PLCB1: variants seen among roughly 807,000 people sequenced by gnomAD.
PLCB1 encodes the protein phospholipase C beta 1.
A neutral mutation model predicts 161.8 loss-of-function variants in PLCB1; 46 were observed. That is an observed-to-expected ratio of 0.28 (90% CI 0.22 to 0.36). The LOEUF (loss-of-function observed/expected upper bound fraction) is 0.36. Among genes scored for constraint, PLCB1 ranks in the 10% least tolerant of loss-of-function variants. PLCB1 has a pLI of 1.00. For missense variants in PLCB1, 1,016 were observed against 1,472.5 expected (o/e 0.69, Z 5.07); for synonymous variants, 517 against 503.7 (o/e 1.03, Z -0.35).
At chr20:8,364,706 G>A (rs979282647) in intron 2 of PLCB1, among the ~76,000 whole-genome samples, 1 of 152,188 alleles carries the variant, frequency 6.6e-6, no homozygotes, top group Non-Finnish European at 1.5e-5. Flanking sequence ...AAAGTCCAAG[G>A]TCTTTTTGTC....
intron 3 of PLCB1, among the ~76,000 whole-genome samples, chr20:8,489,956 G>T (rs527327185): frequency 7.9e-5 from 12 of 152,250 alleles, no homozygotes; most frequent in African/African-American, 2.9e-4. Context: ...CTTCTTTGTT[G>T]ATGTCTGACA....
intron 31 of PLCB1, among the ~76,000 whole-genome samples, chr20:8,873,825 C>T (rs576516352): frequency 9.2e-5 from 14 of 151,978 alleles, no homozygotes; most frequent in Admixed American, 5.2e-4. Flanking sequence ...GAAACACTTA[C>T]GTTTTATTCA....
At chr20:8,787,907 A>T (rs892732412) in intron 27 of PLCB1, among the ~76,000 whole-genome samples, 1 of 152,252 alleles carries the variant, frequency 6.6e-6, no homozygotes, top group African/African-American at 2.4e-5. Flanking sequence ...TCAACTTCTA[A>T]GATGGGAAAC....
chr20:8,340,649 C>T (rs1481588049), intron 2 of PLCB1, among the ~76,000 whole-genome samples: 1 of 152,134 alleles, frequency 6.6e-6, no homozygotes, highest in Non-Finnish European at 1.5e-5. Flanking sequence ...TGGTCTCGAT[C>T]TCCTGACCTC....
intron 2 of PLCB1, among the ~76,000 whole-genome samples, chr20:8,334,160 G>T (rs1056225639): frequency 6.6e-6 from 1 of 151,710 alleles, no homozygotes; most frequent in Non-Finnish European, 1.5e-5. Context: ...GATGAGCCGC[G>T]ATCGCGCCAT....
At chr20:8,700,547 C>T (rs143798592) in intron 11 of PLCB1, among the ~76,000 whole-genome samples, 129 of 152,302 alleles carry the variant, frequency 8.5e-4, no homozygotes, top group African/African-American at 2.8e-3. Flanking sequence ...TTCTCAACCA[C>T]GTCCATACAC....
intron 3 of PLCB1, among the ~76,000 whole-genome samples, chr20:8,551,521 T>C (rs1254034900): frequency 6.6e-6 from 1 of 152,108 alleles, no homozygotes; most frequent in Non-Finnish European, 1.5e-5. Context: ...ATCAGCTATC[T>C]CCCCATCCCA....
intron 3 of PLCB1, among the ~76,000 whole-genome samples, chr20:8,456,153 A>G (rs912443861): frequency 2.0e-5 from 3 of 152,230 alleles, no homozygotes; most frequent in South Asian, 2.1e-4. Flanking sequence ...TTTTTAAATA[A>G]TAAGATTTTG....
intron 3 of PLCB1, among the ~76,000 whole-genome samples, chr20:8,389,020 C>T (rs1009991495): frequency 6.6e-6 from 1 of 151,990 alleles, no homozygotes; most frequent in Non-Finnish European, 1.5e-5. Flanking sequence ...TCTCCCTGCC[C>T]CTTACCATCA....
chr20:8,810,900 A>G (rs954594532), intron 31 of PLCB1, among the ~76,000 whole-genome samples: 4 of 152,252 alleles, frequency 2.6e-5, no homozygotes, highest in African/African-American at 9.6e-5. Context: ...TGCGAGGTCA[A>G]GGCCGCAGTG....
intron 2 of PLCB1, among the ~76,000 whole-genome samples, chr20:8,229,657 G>C (rs1399852445): frequency 6.6e-6 from 1 of 151,956 alleles, no homozygotes; most frequent in Non-Finnish European, 1.5e-5. Flanking sequence ...CAGTACTGCT[G>C]TAGACCCTTG....
chr20:8,213,883 C>T (rs1342495017), intron 2 of PLCB1, among the ~76,000 whole-genome samples: 1 of 151,898 alleles, frequency 6.6e-6, no homozygotes, highest in Non-Finnish European at 1.5e-5. Flanking sequence ...CCCAGTAATG[C>T]GGTTACTTTC....
At chr20:8,778,495 G>A (rs571113021) in intron 27 of PLCB1, among the ~76,000 whole-genome samples, 1 of 152,144 alleles carries the variant, frequency 6.6e-6, no homozygotes, top group Admixed American at 6.5e-5. Context: ...CACTTGAGGA[G>A]CTAGGGAGGT....
At chr20:8,725,648 C>T (rs6077415) in intron 16 of PLCB1, among the ~76,000 whole-genome samples, 99 of 152,218 alleles carry the variant, frequency 6.5e-4, no homozygotes, top group African/African-American at 2.0e-3. Flanking sequence ...ACATTGAATT[C>T]GATGTCCTAA....
At chr20:8,748,287 A>G (rs1389655201) in intron 23 of PLCB1, among the ~76,000 whole-genome samples, 1 of 152,230 alleles carries the variant, frequency 6.6e-6, no homozygotes, top group Non-Finnish European at 1.5e-5. Context: ...TAGGAAAACC[A>G]TAGTAATCCC....
Position 8,774,525 on chromosome 20 carries a change from CTG to C in PLCB1, c.2931-10_2931-9del, listed in dbSNP as rs1982848742. The C allele has an allele frequency of 3.8e-6, 6 of 1,582,142 alleles. No homozygotes were observed. Among genetic ancestry groups the C allele is most frequent in the South Asian group, 1.2e-5 (1 of 86,724 alleles). On this transcript the variant is annotated splice_polypyrimidine_tract_variant and intron_variant, in intron 26 of 31. Transcript: ENST00000338037. ...GCCTGTCTGTTTTGTGAGTCAAACTCTGTGTCTTTGCAGATCGGAACCCAGCA... is the reference window on the plus strand; with the variant it reads ...GCCTGTCTGTTTTGTGAGTCAAACTCTGTCTTTGCAGATCGGAACCCAGCA...
chr20:8,516,691 A>G, intron 3 of PLCB1, among the ~76,000 whole-genome samples: 1 of 131,816 alleles, frequency 7.6e-6, no homozygotes, highest in South Asian at 2.4e-4. Flanking sequence ...ATATATATAT[A>G]TATATATATA....
chr20:8,831,150 G>A (rs758680429), intron 31 of PLCB1: 2 of 152,334 alleles, frequency 1.3e-5, no homozygotes, highest in Non-Finnish European at 1.5e-5. Flanking sequence ...GGGGTCATCA[G>A]TATGAAGGTC....
chr20:8,273,093 G>A (rs753503282), intron 2 of PLCB1, among the ~76,000 whole-genome samples: 8 of 152,128 alleles, frequency 5.3e-5, no homozygotes, highest in Non-Finnish European at 1.2e-4. Context: ...TTAAGAGACA[G>A]CAATAATGAA....
Sources: gnomAD v4.1 joint callset for allele counts (sites outside exome capture counted in the v4.1 genomes callset) on GRCh38, gnomAD v4.1.1 for gene constraint, MANE v1.5 for transcripts, NCBI Gene and HGNC (gene_info 2026-07-23, HGNC 2026-07-21) for gene names.